The following TFDP2 variants were observed in gnomAD, a reference collection of about 807,000 sequenced individuals.
The protein encoded by TFDP2 is transcription factor Dp-2.
A neutral mutation model predicts 59.3 loss-of-function variants in TFDP2; 17 were observed. The observed-to-expected ratio is 0.29, with a 90% CI of 0.20 to 0.43. TFDP2 has a LOEUF of 0.43. Among genes scored for constraint, TFDP2 ranks in the 20% least tolerant of loss-of-function variants. The pLI, the probability that TFDP2 is intolerant of heterozygous loss-of-function variation, is 1.00. For missense variants in TFDP2, 391 were observed against 528.8 expected, an observed-to-expected ratio of 0.74 and a Z score of 2.56; for synonymous variants, 180 against 194.7, an observed-to-expected ratio of 0.92 and a Z score of 0.63.
chr3:142,022,687 C>T (rs1385850709), intron 3 of TFDP2, among the ~76,000 whole-genome samples: 1 of 152,212 alleles, frequency 6.6e-6, no homozygotes, highest in African/African-American at 2.4e-5. Flanking sequence ...CTGGAAATTA[C>T]TCTCATGAAG....
At chr3:142,119,826 G>A (rs963047364) in intron 1 of TFDP2, among the ~76,000 whole-genome samples, 6 of 152,058 alleles carry the variant, frequency 3.9e-5, no homozygotes, top group Non-Finnish European at 5.9e-5. Context: ...CAAGGCAGGC[G>A]GATCACGAGG....
intron 3 of TFDP2, among the ~76,000 whole-genome samples, chr3:142,037,358 A>T (rs946991443): frequency 1.3e-5 from 2 of 152,176 alleles, no homozygotes; most frequent in Admixed American, 1.3e-4. Flanking sequence ...AACTGCAATG[A>T]AAAAAACTAG....
intron 3 of TFDP2, among the ~76,000 whole-genome samples, chr3:142,013,227 A>G (rs11569178): frequency 6.6e-6 from 1 of 152,188 alleles, no homozygotes; most frequent in Admixed American, 6.5e-5. Flanking sequence ...AAACAAGTTG[A>G]AGATCTAGAA....
At chr3:141,997,849 CAAAAA>C (rs3058569) in intron 4 of TFDP2, among the ~76,000 whole-genome samples, 27 of 84,022 alleles carry the variant, frequency 3.2e-4, no homozygotes, top group African/African-American at 1.0e-3. Context: ...GACTCCATCT[CAAAAA>C]AAAAAAAAAA....
intron 8 of TFDP2, among the ~76,000 whole-genome samples, chr3:141,972,262 T>TGTAC (rs1348262606): frequency 6.6e-6 from 1 of 152,184 alleles, no homozygotes; most frequent in Non-Finnish European, 1.5e-5. Flanking sequence ...CTGCACTGAT[T>TGTAC]GTACCTCTAA....
intron 1 of TFDP2, among the ~76,000 whole-genome samples, chr3:142,117,216 C>A (rs1436960594): frequency 6.6e-6 from 1 of 151,984 alleles, no homozygotes; most frequent in Middle Eastern, 3.2e-3. Context: ...CCACTGCACC[C>A]GGCCCGAAAA....
chr3:142,034,867 C>G (rs1222128955), intron 3 of TFDP2, among the ~76,000 whole-genome samples: 7 of 152,096 alleles, frequency 4.6e-5, no homozygotes, highest in Admixed American at 4.6e-4. Flanking sequence ...GCCACCACAC[C>G]CAGCTAATTT....
intron 5 of TFDP2, chr3:141,994,513 T>C (rs1270469514): frequency 6.6e-6 from 1 of 152,234 alleles, no homozygotes; most frequent in African/African-American, 2.4e-5. Context: ...TAGAAGTTTG[T>C]ACTAAAAGTG....
At chr3:142,042,630 C>CTTTT (rs66981475) in intron 3 of TFDP2, among the ~76,000 whole-genome samples, 77 of 107,932 alleles carry the variant, frequency 7.1e-4, no homozygotes, top group Middle Eastern at 5.3e-3. Context: ...CTTTTCTTTT[C>CTTTT]TTTTTTTTTT....
intron 3 of TFDP2, among the ~76,000 whole-genome samples, chr3:142,034,444 G>C (rs767591611): frequency 2.6e-5 from 4 of 151,914 alleles, no homozygotes; most frequent in Non-Finnish European, 2.9e-5. Flanking sequence ...AATGCACCAA[G>C]TACCTCTGAC....
intron 10 of TFDP2, among the ~76,000 whole-genome samples, chr3:141,962,014 T>C (rs1937427071): frequency 6.6e-6 from 1 of 152,106 alleles, no homozygotes; most frequent in Non-Finnish European, 1.5e-5. Context: ...AATGGTACAA[T>C]CTTGGGTCAC....
At chr3:142,044,187 G>C in intron 3 of TFDP2, 1 of 433,472 alleles carries the variant, frequency 2.3e-6, no homozygotes, top group Non-Finnish European at 4.2e-6. Flanking sequence ...TCTGAAGCCT[G>C]AGCATACTCA....
At chr3:142,039,336 T>C (rs1347330304) in intron 3 of TFDP2, among the ~76,000 whole-genome samples, 2 of 152,176 alleles carry the variant, frequency 1.3e-5, no homozygotes, top group East Asian at 3.8e-4. Context: ...TATGTGACAG[T>C]TTCTTGGCTA....
intron 1 of TFDP2, among the ~76,000 whole-genome samples, chr3:142,111,691 G>A (rs947867813): frequency 4.6e-5 from 7 of 152,112 alleles, no homozygotes; most frequent in Admixed American, 1.3e-4. Context: ...AATACGTGCC[G>A]AAAAACAAAG....
At chr3:141,986,030 G>C (rs1223473110) in intron 6 of TFDP2, among the ~76,000 whole-genome samples, 1 of 152,166 alleles carries the variant, frequency 6.6e-6, no homozygotes, top group Non-Finnish European at 1.5e-5. Context: ...AGCCACTTTG[G>C]AAAACAGTCT....
At chr3:141,979,714 G>A (rs930723122) in intron 6 of TFDP2, among the ~76,000 whole-genome samples, 10 of 151,906 alleles carry the variant, frequency 6.6e-5, no homozygotes, top group African/African-American at 2.4e-4. Context: ...TCAGCCTCCC[G>A]AGTAGCTGGG....
In TFDP2 at chr3:142,148,047, GA is replaced by G. The variant is rs112499509; in HGVS notation, c.-93+1135del. Among the ~76,000 whole-genome samples the G allele has an allele frequency of 1.5e-4, 21 of 137,252 alleles. No homozygotes were observed. In the South Asian group the frequency reaches 2.1e-3, roughly 14 times the overall value. 90.0% of individuals were successfully genotyped at this position (137,252 alleles called of 152,430 possible). Reference sequence around the variant, plus strand: ...ATAGATGAATATATATTCACGAGCTGAAAAAAAAAACAGGTAAATTATTTAT... The same window carrying G: ...ATAGATGAATATATATTCACGAGCTGAAAAAAAAACAGGTAAATTATTTAT... On this transcript the variant is annotated intron_variant, in intron 1 of 12. Transcript: ENST00000489671.
intron 3 of TFDP2, among the ~76,000 whole-genome samples, chr3:142,028,163 G>GA (rs1420777862): frequency 6.6e-6 from 1 of 152,062 alleles, no homozygotes; most frequent in Non-Finnish European, 1.5e-5. Flanking sequence ...TTCGTAAGTG[G>GA]AAAAAATGTT....
At chr3:142,067,775 G>A (rs1389308681) in intron 3 of TFDP2, among the ~76,000 whole-genome samples, 1 of 152,128 alleles carries the variant, frequency 6.6e-6, no homozygotes, top group East Asian at 1.9e-4. Context: ...GACCAAGGCA[G>A]GAAGATAGCT....
Sources: allele counts gnomAD v4.1 joint callset (sites outside exome capture counted in the v4.1 genomes callset), GRCh38; gene constraint gnomAD v4.1.1; transcripts MANE v1.5; gene names NCBI Gene and HGNC (gene_info 2026-07-23, HGNC 2026-07-21).